Variants in PUF60 observed in about 807,000 individuals in gnomAD.
PUF60 encodes the protein poly(U)-binding-splicing factor PUF60.
Under a neutral mutation model 61.8 loss-of-function variants are expected in PUF60, and 10 were observed. The observed-to-expected ratio is 0.16, with a 90% CI of 0.10 to 0.27. The LOEUF (loss-of-function observed/expected upper bound fraction) is 0.27. Among genes scored for constraint, PUF60 ranks in the 10% least tolerant of loss-of-function variants. PUF60 has a pLI of 1.00. For missense variants in PUF60, 371 were observed against 754.0 expected (o/e 0.49, Z 5.95); for synonymous variants, 353 against 300.9 (o/e 1.17, Z -1.79).
At chr8:143,821,266 C>T in intron 4 of PUF60, 2 of 511,034 alleles carry the variant, frequency 3.9e-6, no homozygotes, top group African/African-American at 1.9e-5. Flanking sequence ...TGCATGCTGC[C>T]ACCATCGGCT....
rs750002473 is a variant in PUF60, at chr8:143,817,584, G to A, written c.1008+8C>T. The A allele has an allele frequency of 3.1e-6, 5 of 1,611,024 alleles. No individual in the cohort carries two copies. In the Admixed American group the frequency reaches 6.7e-5, roughly 22 times the overall value. On this transcript the variant is annotated splice_region_variant and intron_variant, in intron 9 of 11. Coordinates refer to ENST00000526683, the MANE Select transcript of PUF60 (RefSeq NM_078480.3). This position sits in a 1 kb window ranked among gnomAD's most constrained non-coding sequence, Gnocchi z 7.4. ...CACCCTCAAGCCGACAGCTGTGTGG[G>A]CCCTCACCTGAGCTGTGATCTTGGC... is the stretch of plus-strand genomic sequence containing the variant.
intron 2 of PUF60, among the ~76,000 whole-genome samples, chr8:143,823,872 C>T (rs775825552): frequency 3.3e-5 from 5 of 152,252 alleles, no homozygotes; most frequent in Middle Eastern, 3.2e-3. Context: ...CTTTGACTTG[C>T]GCATTGCTTC....
intron 5 of PUF60, 115 bp downstream of exon 5, chr8:143,820,551 A>C (rs1816894845): frequency 8.3e-7 from 1 of 1,206,704 alleles, no homozygotes; most frequent in Non-Finnish European, 1.2e-6. Flanking sequence ...GCTCGTCCAG[A>C]GCTGGCGGGC....
chr8:143,816,884 C>G (rs182356228), intron 11 of PUF60, 26 bp downstream of exon 11: 73 of 1,565,680 alleles, frequency 4.7e-5, no homozygotes, highest in Admixed American at 4.0e-4. Context: ...CCCTCTCCCC[C>G]GCCACCACCC....
At chr8:143,824,721 C>T (rs896633302) in intron 1 of PUF60, 6 of 385,688 alleles carry the variant, frequency 1.6e-5, no homozygotes, top group East Asian at 5.1e-5. Context: ...GCAGGCTGGA[C>T]GGCCAAAGGA....
chr8:143,819,955 T>A (rs1816824152), intron 5 of PUF60, among the ~76,000 whole-genome samples: 1 of 152,188 alleles, frequency 6.6e-6, no homozygotes, highest in Non-Finnish European at 1.5e-5. Context: ...CACACAGGGA[T>A]GACCCCTCTG....
At position 143,818,660 on chromosome 8, in the gene PUF60, G is replaced by T; in HGVS notation, c.349-126C>A. 9.7e-7 allele frequency: 1 copy of T among 1,032,408 alleles called. No individual in the cohort carries two copies. The highest frequency in any genetic ancestry group is 1.7e-5 in the South Asian group (1 of 60,316). 64.0% of individuals were successfully genotyped at this position (1,032,408 alleles called of 1,614,324 possible). A position where few individuals can be genotyped will look rare whatever the true frequency, so the allele number is the denominator to read the frequency against. On this transcript the variant is annotated intron_variant, in intron 5 of 11. Coordinates refer to ENST00000526683, the MANE Select transcript of PUF60 (RefSeq NM_078480.3). The surrounding 1 kb of genome is among the most constrained non-coding windows in gnomAD (Gnocchi z 7.9). The stretch of plus-strand genomic sequence containing the variant: ...GGGAGGGCTCCCCACATGACAGGGA[G>T]GTGCGGGCTCCATCCCTGCAGTCAT...
intron 1 of PUF60, 84 bp downstream of exon 1, chr8:143,829,196 G>C (rs1214984383): frequency 4.6e-5 from 57 of 1,230,108 alleles, no homozygotes; most frequent in Non-Finnish European, 5.7e-5. Flanking sequence ...CCGCGTTCTT[G>C]GGAGGCCCTC....
chr8:143,818,409 G>A lies in PUF60; in HGVS notation c.474C>T (p.Ile158=), dbSNP rs924417716. The part of the protein sequence containing the change: ...AFAPFGPIKS[I]DMSWDSVTMK... ...TGGTGACGGAGTCCCAGGACATGTC[G>A]ATGCTCTTGATGGGGCCAAAGGGGG... The change falls in exon 6 of 12, where the codon ATC becomes ATT. Residue 158 remains isoleucine (I), a synonymous_variant. Coordinates refer to ENST00000526683, the MANE Select transcript of PUF60 (RefSeq NM_078480.3). The surrounding 1 kb of genome is among the most constrained non-coding windows in gnomAD (Gnocchi z 7.9). 13 of 1,612,546 alleles carry A rather than the reference G, an allele frequency of 8.1e-6. No individual in the cohort carries two copies. Among genetic ancestry groups the A allele is most frequent in the African/African-American group, 5.3e-5 (4 of 74,928 alleles).
intron 2 of PUF60, among the ~76,000 whole-genome samples, chr8:143,823,906 C>A (rs1817309494): frequency 6.6e-6 from 1 of 152,282 alleles, no homozygotes; most frequent in South Asian, 2.1e-4. Flanking sequence ...AATGAAAACA[C>A]AGAGGTCTGA....
intron 1 of PUF60, chr8:143,827,229 G>A (rs1233568747): frequency 1.4e-5 from 5 of 368,760 alleles, no homozygotes; most frequent in African/African-American, 4.3e-5. Flanking sequence ...CATGGCAGCC[G>A]GGGGCCTCTC....
At position 143,827,937 on chromosome 8, in the gene PUF60, C is replaced by G. The variant is rs555037615; in HGVS notation, c.24+1343G>C. ...ACTCTCCTCCTCCACCTTCCCATGT[C>G]CAGTCCTTGTCTCTGAGCCTCCTCC... On this transcript the variant is annotated intron_variant, in intron 1 of 11. Coordinates refer to ENST00000526683, the MANE Select transcript of PUF60 (RefSeq NM_078480.3). 1.2e-4 allele frequency among the ~76,000 whole-genome samples: 19 copies of G among 152,342 alleles called. No homozygotes were observed. In the South Asian group the frequency reaches 2.1e-3, roughly 17 times the overall value.
At chr8:143,826,962 G>A (rs1486494209) in intron 1 of PUF60, 3 of 202,198 alleles carry the variant, frequency 1.5e-5, no homozygotes, top group Non-Finnish European at 3.1e-5. Context: ...AGATACCCAG[G>A]GCAGAGCTGG....
intron 5 of PUF60, 129 bp downstream of exon 5, chr8:143,820,537 C>G: frequency 9.1e-7 from 1 of 1,093,504 alleles, no homozygotes; most frequent in Non-Finnish European, 1.4e-6. Context: ...TGGCGCTCTG[C>G]TGCGCTCGTC....
At chr8:143,824,429 C>G in intron 1 of PUF60, 30 bp from the exon 2 acceptor site, 1 of 1,603,682 alleles carries the variant, frequency 6.2e-7, no homozygotes, top group Non-Finnish European at 8.5e-7. Context: ...GTTGTAACGA[C>G]AGGCACACCA....
intron 1 of PUF60, among the ~76,000 whole-genome samples, chr8:143,828,537 C>T (rs983117220): frequency 6.6e-6 from 1 of 152,196 alleles, no homozygotes; most frequent in Non-Finnish European, 1.5e-5. Context: ...GAGCAGGGGG[C>T]GACTCACTCC....
intron 5 of PUF60, among the ~76,000 whole-genome samples, chr8:143,819,805 A>T (rs1444860343): frequency 6.6e-6 from 1 of 151,778 alleles, no homozygotes; most frequent in African/African-American, 2.4e-5. Context: ...TTCCCCCAAG[A>T]CAGGGCCATG....
chr8:143,821,759 T>G, intron 3 of PUF60, 59 bp downstream of exon 3: 11 of 907,996 alleles, frequency 1.2e-5, no homozygotes, highest in East Asian at 4.4e-5. Flanking sequence ...ACCCCGCCCC[T>G]GCCCCTGCCC....
At chr8:143,829,183 C>A in intron 1 of PUF60, 97 bp downstream of exon 1, 1 of 1,227,112 alleles carries the variant, frequency 8.1e-7, no homozygotes, top group Non-Finnish European at 1.0e-6. Flanking sequence ...CCTGGGAAGA[C>A]CGCCGCGTTC....
Sources: allele counts gnomAD v4.1 joint callset (sites outside exome capture counted in the v4.1 genomes callset), GRCh38; gene constraint gnomAD v4.1.1; non-coding constraint Gnocchi (gnomAD v3.1); transcripts MANE v1.5; gene names NCBI Gene and HGNC (gene_info 2026-07-23, HGNC 2026-07-21).